The following PLEKHG5 variants were observed in gnomAD, a reference collection of about 807,000 sequenced individuals.
The protein encoded by PLEKHG5 is pleckstrin homology and RhoGEF domain containing G5.
A neutral mutation model predicts 103.8 loss-of-function variants in PLEKHG5; 52 were observed. The observed-to-expected ratio is 0.50, with a 90% CI of 0.40 to 0.63. The LOEUF (loss-of-function observed/expected upper bound fraction) is 0.63, where lower values mean the gene tolerates loss of function less well. PLEKHG5 is among the 30% of genes least tolerant of loss of function. The probability of loss-of-function intolerance (pLI) is 0.00; values close to 1 mark genes in which losing one functional copy is unlikely to be tolerated. For missense variants in PLEKHG5, 1,205 were observed against 1,347.6 expected (o/e 0.89, Z 1.66); for synonymous variants, 592 against 575.5 (o/e 1.03, Z -0.41).
At chr1:6,519,324 C>G in intron 1 of PLEKHG5, 3 of 815,636 alleles carry the variant, frequency 3.7e-6, no homozygotes, top group Non-Finnish European at 6.5e-6. Context: ...GGCTCTTAAA[C>G]CGTCCGGACT....
intron 1 of PLEKHG5, among the ~76,000 whole-genome samples, chr1:6,488,714 A>G (rs2986741): frequency 0.18 from 27,311 of 152,118 alleles, 4,900 homozygotes; most frequent in African/African-American, 0.47. Flanking sequence ...TCTCCACAGC[A>G]GGGAGCTGAA....
At position 6,467,822 on chromosome 1, in the gene PLEKHG5, C is replaced by T. The variant is rs929173295; in HGVS notation, c.3011+3G>A. 6.8e-6 allele frequency: 11 copies of T among 1,613,040 alleles called. No homozygotes were observed. Among genetic ancestry groups the T allele is most frequent in the East Asian group, 4.5e-5 (2 of 44,876 alleles). ...CTGCCCTACCCCAGTCCAGGCCACT[C>T]ACGAGGCAGTGAGCGTGGAGTTAAG... On this transcript the variant is annotated splice_donor_region_variant and intron_variant, in intron 20 of 20. Transcript: ENST00000377728.
At chr1:6,509,833 C>T (rs1016433491) in intron 1 of PLEKHG5, among the ~76,000 whole-genome samples, 7 of 152,206 alleles carry the variant, frequency 4.6e-5, no homozygotes, top group African/African-American at 1.7e-4. Context: ...ACCCTGCACG[C>T]ACAGGGCTTA....
intron 1 of PLEKHG5, among the ~76,000 whole-genome samples, chr1:6,485,109 A>G (rs1158675879): frequency 6.6e-6 from 1 of 152,092 alleles, no homozygotes; most frequent in Non-Finnish European, 1.5e-5. Flanking sequence ...GGGACATCTC[A>G]GCCGGCGGGG....
chr1:6,470,773 T>C lies in PLEKHG5; in HGVS notation c.1504A>G (p.Thr502Ala), dbSNP rs950727756. Residue 502 changes from threonine to alanine, a missense_variant, in exon 14 of 21, where the codon ACC (threonine) becomes GCC (alanine). Transcript: ENST00000377728. ...PLLLKSVLRK[T>A]EEPRAKEAVV... ...GCCTCCTTGGCGCGCGGCTCCTCGG[T>C]CTTCCTCAGCACCGACTTGAGCAGC... 3.2e-6 allele frequency: 5 copies of C among 1,568,484 alleles called. No individual in the cohort carries two copies. The highest frequency in any genetic ancestry group is 4.3e-6 in the Non-Finnish European group (5 of 1,157,878).
chr1:6,485,983 C>CCG (rs898331707), intron 1 of PLEKHG5: 1 of 824,674 alleles, frequency 1.2e-6, no homozygotes, highest in African/African-American at 1.9e-5. Context: ...TGACACCCCC[C>CCG]CCCACCTTGG....
At chr1:6,519,997 A>C (rs1410543659) in exon 1 of PLEKHG5, 2 of 223,156 alleles carry the variant, frequency 9.0e-6, no homozygotes, top group East Asian at 2.2e-4. Context: ...GGCTACCAGG[A>C]AGGCCTTAGT....
intron 1 of PLEKHG5, among the ~76,000 whole-genome samples, chr1:6,518,632 C>T (rs1482728734): frequency 1.3e-5 from 2 of 151,942 alleles, no homozygotes; most frequent in African/African-American, 4.8e-5. Flanking sequence ...CTGGCCCTTC[C>T]CGAGAGCTAC....
rs1263410387 is a variant in PLEKHG5 at position 6,470,501 on chromosome 1, C to G, written c.1680+5G>C. 6.2e-7 allele frequency: 1 copy of G among 1,610,504 alleles called. No homozygotes were observed. The highest frequency in any genetic ancestry group is 8.5e-7 in the Non-Finnish European group (1 of 1,179,998). ...CCGGCAACCCCCGCAGACACACACG[C>G]CCACCTTGTCCACTTCGTCGCTGCT... On this transcript the variant is annotated splice_donor_5th_base_variant and intron_variant, in intron 15 of 20. Transcript: ENST00000377728.
At chr1:6,512,313 C>T (rs148886575) in intron 1 of PLEKHG5, among the ~76,000 whole-genome samples, 1 of 152,224 alleles carries the variant, frequency 6.6e-6, no homozygotes, top group Non-Finnish European at 1.5e-5. Flanking sequence ...CAGCACTGTT[C>T]AAGCCCTGAG....
At chr1:6,503,856 G>A (rs1323518927) in intron 1 of PLEKHG5, among the ~76,000 whole-genome samples, 1 of 152,186 alleles carries the variant, frequency 6.6e-6, no homozygotes, top group African/African-American at 2.4e-5. Context: ...GGAGAGACAG[G>A]CAGCTTCATA....
intron 1 of PLEKHG5, among the ~76,000 whole-genome samples, chr1:6,482,780 C>A (rs951865537): frequency 1.3e-5 from 2 of 152,198 alleles, no homozygotes; most frequent in African/African-American, 4.8e-5. Context: ...ATGATCTTGG[C>A]TCACTGCAAC....
upstream of PLEKHG5, among the ~76,000 whole-genome samples, chr1:6,500,796 C>T (rs749673965): frequency 5.9e-5 from 9 of 152,256 alleles, no homozygotes; most frequent in Non-Finnish European, 1.0e-4. Flanking sequence ...TCCCCACGTG[C>T]GCAACAGCCC....
At chr1:6,471,932 A>G in intron 10 of PLEKHG5, 124 bp from the exon 11 acceptor site, 1 of 953,982 alleles carries the variant, frequency 1.0e-6, no homozygotes, top group Admixed American at 2.0e-5. Flanking sequence ...CACAGCAGCC[A>G]CGGATAAGAA....
At position 6,490,125 on chromosome 1, in the gene PLEKHG5, A is replaced by C. The variant is rs1441382050; in HGVS notation, c.-88+1512T>G. Among the ~76,000 whole-genome samples the C allele has an allele frequency of 1.3e-5, 2 of 151,994 alleles. No individual in the cohort carries two copies. The highest frequency in any genetic ancestry group is 4.8e-5 in the African/African-American group (2 of 41,380). On this transcript the variant is annotated intron_variant, in intron 1 of 20. Coordinates refer to ENST00000377728, the MANE Select transcript of PLEKHG5 (RefSeq NM_020631.6). The surrounding 1 kb of genome is among the most constrained non-coding windows in gnomAD (Gnocchi z 8.0). ...ATGGGGAGGATCGGCTGAGCCTCCC[A>C]GCCACGCCGCGCGCCCGGGCCCCTC... is the stretch of plus-strand genomic sequence containing the variant.
intron 1 of PLEKHG5, among the ~76,000 whole-genome samples, chr1:6,484,882 A>G (rs1384447509): frequency 1.3e-5 from 2 of 152,296 alleles, no homozygotes; most frequent in East Asian, 1.9e-4. Flanking sequence ...TTTGGGGAAT[A>G]CACGCATGTG....
At position 6,469,076 on chromosome 1, in the gene PLEKHG5, G is replaced by A. The variant is rs189468475; in HGVS notation, c.2215C>T (p.Arg739Trp). 43 of 1,613,126 alleles carry A rather than the reference G, an allele frequency of 2.7e-5. No individual in the cohort carries two copies. Among genetic ancestry groups the A allele is most frequent in the African/African-American group, 2.3e-4 (17 of 74,496 alleles). ...GAGTCGGGGCTGCCGCTGCTTTTCCGCATGATGGTAGGGGAGCTGGCAGCT... is the reference window on the plus strand; with the variant it reads ...GAGTCGGGGCTGCCGCTGCTTTTCCACATGATGGTAGGGGAGCTGGCAGCT... ...TSAASSPTIM[R>W]KSSGSPDSQH... The change falls in exon 19 of 21, where the codon CGG (arginine) becomes TGG (tryptophan). Residue 739 changes from arginine (R) to tryptophan (W), a missense_variant. By Grantham distance (101) the Arg-to-Trp change is moderately radical (BLOSUM62 -3). Coordinates refer to ENST00000377728, the MANE Select transcript of PLEKHG5 (RefSeq NM_020631.6).
In PLEKHG5 at chr1:6,470,637, A is replaced by G. The variant is rs554834071; in HGVS notation, c.1549T>C (p.Ser517Pro). 2.5e-6 allele frequency: 4 copies of G among 1,573,792 alleles called. No homozygotes were observed. Among genetic ancestry groups the G allele is most frequent in the Non-Finnish European group, 3.4e-6 (4 of 1,165,504 alleles). ...AKEAVVAMIG[S>P]VERFIHHVNA... ...ACGTGGTGGATGAAGCGCTCCACGG[A>G]GCCGATCTAGGGGCAGGTGAGGGAG... The change falls in exon 15 of 21, where the codon TCC (serine) becomes CCC (proline). Residue 517 changes from serine to proline, a missense_variant. By Grantham distance (74) the Ser-to-Pro change is moderately conservative (BLOSUM62 -1). Coordinates refer to ENST00000377728, the MANE Select transcript of PLEKHG5 (RefSeq NM_020631.6).
At position 6,471,657 on chromosome 1, in the gene PLEKHG5, C is replaced by T; in HGVS notation, c.1132-20G>A. The stretch of plus-strand genomic sequence containing the variant: ...CTCCACCTGGGCGCGGCGGGAGGTG[C>T]GGTTGGCCACGCCCCTCCGCCAGGT... On this transcript the variant is annotated intron_variant, in intron 11 of 20. Coordinates refer to ENST00000377728, the MANE Select transcript of PLEKHG5 (RefSeq NM_020631.6). 1.9e-6 allele frequency: 3 copies of T among 1,567,662 alleles called. No individual in the cohort carries two copies. Among genetic ancestry groups the T allele is most frequent in the Non-Finnish European group, 2.6e-6 (3 of 1,158,392 alleles).
Sources: allele counts gnomAD v4.1 joint callset (sites outside exome capture counted in the v4.1 genomes callset), GRCh38; gene constraint gnomAD v4.1.1; non-coding constraint Gnocchi (gnomAD v3.1); transcripts MANE v1.5; gene names NCBI Gene and HGNC (gene_info 2026-07-23, HGNC 2026-07-21).